The following DLG2 variants were observed in gnomAD, a reference collection of about 807,000 sequenced individuals.
DLG2 encodes discs large MAGUK scaffold protein 2.
Under a neutral mutation model 132.5 loss-of-function variants are expected in DLG2, and 45 were observed. The observed-to-expected ratio is 0.34, with a 90% CI of 0.27 to 0.44. The LOEUF is 0.44. DLG2 is among the 20% of genes least tolerant of loss of function. The pLI, the probability that DLG2 is intolerant of heterozygous loss-of-function variation, is 1.00. For synonymous variants in DLG2, 424 were observed against 419.6 expected (o/e 1.01, Z -0.13); for missense variants, 1,045 against 1,196.9 (o/e 0.87, Z 1.87).
At chr11:85,469,959 C>T (rs576178957) in intron 3 of DLG2, among the ~76,000 whole-genome samples, 148 of 152,238 alleles carry the variant, frequency 9.7e-4, no homozygotes, top group South Asian at 1.7e-3. Flanking sequence ...AGAGTAAAAT[C>T]CAAAGCCCTT....
intron 6 of DLG2, among the ~76,000 whole-genome samples, chr11:84,755,731 C>T (rs1465238236): frequency 6.6e-6 from 1 of 152,194 alleles, no homozygotes; most frequent in African/African-American, 2.4e-5. Context: ...CCCAGTGTGT[C>T]TTTTACCCAG....
intron 16 of DLG2, among the ~76,000 whole-genome samples, chr11:83,863,796 G>T (rs982203574): frequency 6.6e-6 from 1 of 152,148 alleles, no homozygotes; most frequent in Non-Finnish European, 1.5e-5. Context: ...TGAAGTTACA[G>T]ATATGCCAAA....
chr11:83,839,888 T>C (rs994608015), intron 16 of DLG2, among the ~76,000 whole-genome samples: 1 of 152,116 alleles, frequency 6.6e-6, no homozygotes, highest in Admixed American at 6.6e-5. Context: ...AACCCCTTCA[T>C]CCCCTCTAAT....
chr11:84,213,678 G>C (rs1050317336), intron 8 of DLG2, among the ~76,000 whole-genome samples: 4 of 151,968 alleles, frequency 2.6e-5, no homozygotes, highest in African/African-American at 9.7e-5. Context: ...AATTAGACTG[G>C]CGTGGTGGCG....
At chr11:85,485,388 A>G (rs2093407101) in intron 3 of DLG2, among the ~76,000 whole-genome samples, 1 of 152,108 alleles carries the variant, frequency 6.6e-6, no homozygotes, top group South Asian at 2.1e-4. Flanking sequence ...AAAAAAAAAG[A>G]TGCAAATTGT....
In DLG2 at chr11:83,552,217, G is replaced by A. The variant is rs150813404; in HGVS notation, c.1941-10359C>T. 5.8e-4 allele frequency among the ~76,000 whole-genome samples: 88 copies of A among 152,312 alleles called. 1 individual carries two copies. The highest frequency in any genetic ancestry group is 1.9e-3 in the African/African-American group (81 of 41,576). The stretch of plus-strand genomic sequence containing the variant: ...AAATAGAGCACGGTAAGGGGGATCA[G>A]GATTCTGGAATAGAGTAGGGCTATG... On this transcript the variant is annotated intron_variant, in intron 19 of 27. Coordinates refer to ENST00000376104, the MANE Select transcript of DLG2 (RefSeq NM_001142699.3).
chr11:84,430,744 T>G (rs1210398004), intron 7 of DLG2, among the ~76,000 whole-genome samples: 2 of 152,206 alleles, frequency 1.3e-5, no homozygotes, highest in Admixed American at 6.5e-5. Flanking sequence ...GGGCAGCAGT[T>G]CTGGGACCTC....
At chr11:85,256,798 T>C (rs2076692393) in intron 4 of DLG2, among the ~76,000 whole-genome samples, 1 of 152,168 alleles carries the variant, frequency 6.6e-6, no homozygotes, top group South Asian at 2.1e-4. Context: ...AAAAAGTCTT[T>C]ACAAAAAAGT....
At chr11:84,890,191 T>G (rs2089110447) in intron 6 of DLG2, among the ~76,000 whole-genome samples, 1 of 152,166 alleles carries the variant, frequency 6.6e-6, no homozygotes, top group Admixed American at 6.6e-5. Context: ...TTGTTGCAGT[T>G]TTTATCTAAG....
In DLG2 at chr11:84,145,731, G is replaced by A. The variant is rs867151010; in HGVS notation, c.624+17730C>T. Among the ~76,000 whole-genome samples, 3 of 152,270 alleles carry A rather than the reference G, an allele frequency of 2.0e-5. No individual in the cohort carries two copies. The East Asian group carries it at 5.8e-4, about 29-fold the overall frequency. On this transcript the variant is annotated intron_variant, in intron 9 of 27. Coordinates refer to ENST00000376104, the MANE Select transcript of DLG2 (RefSeq NM_001142699.3). ...CTTGTTAATAATCAGGTGGCAGAGG[G>A]TTTGTGAGGCGAGAGAAAGGAGATA...
At chr11:83,582,298 C>G (rs914326540) in intron 19 of DLG2, among the ~76,000 whole-genome samples, 4 of 152,142 alleles carry the variant, frequency 2.6e-5, no homozygotes, top group African/African-American at 9.7e-5. Context: ...ATTACTGCCC[C>G]TGGTAATAGT....
chr11:85,284,962 A>T (rs190552335), intron 4 of DLG2, among the ~76,000 whole-genome samples: 10 of 152,018 alleles, frequency 6.6e-5, no homozygotes, highest in Admixed American at 5.9e-4. Context: ...AATGCCTTAG[A>T]CTTGAGTCAA....
At chr11:85,094,518 G>A (rs2069397151) in intron 6 of DLG2, among the ~76,000 whole-genome samples, 2 of 152,188 alleles carry the variant, frequency 1.3e-5, no homozygotes, top group African/African-American at 4.8e-5. Context: ...TATAGCTTCT[G>A]TATCCACTCT....
chr11:83,846,373 T>G (rs2058607111), intron 16 of DLG2, among the ~76,000 whole-genome samples: 1 of 152,212 alleles, frequency 6.6e-6, no homozygotes, highest in East Asian at 1.9e-4. Flanking sequence ...GTGAAGACAT[T>G]GAATGTTTGT....
At chr11:84,172,190 T>C (rs1374155505) in intron 8 of DLG2, among the ~76,000 whole-genome samples, 1 of 152,212 alleles carries the variant, frequency 6.6e-6, no homozygotes, top group East Asian at 1.9e-4. Flanking sequence ...ATGTAAGGTA[T>C]ACATCTGGTT....
chr11:85,471,302 G>C (rs1157862008), intron 3 of DLG2, among the ~76,000 whole-genome samples: 2 of 152,062 alleles, frequency 1.3e-5, no homozygotes, highest in Non-Finnish European at 2.9e-5. Flanking sequence ...TATAAACATA[G>C]ATTTTTTAGA....
At chr11:84,380,073 G>GA (rs912191592) in intron 7 of DLG2, among the ~76,000 whole-genome samples, 3 of 151,848 alleles carry the variant, frequency 2.0e-5, no homozygotes, top group African/African-American at 7.2e-5. Flanking sequence ...TTGTTGCCAT[G>GA]AAAAAATAAG....
intron 6 of DLG2, among the ~76,000 whole-genome samples, chr11:85,061,380 C>T (rs686009): frequency 0.66 from 100,750 of 151,526 alleles, 34,471 homozygotes; most frequent in East Asian, 0.93. Flanking sequence ...TTGAACTATT[C>T]TGCTGTTTTT....
At chr11:83,690,016 TAATA>T (rs967873554) in intron 18 of DLG2, among the ~76,000 whole-genome samples, 22 of 145,234 alleles carry the variant, frequency 1.5e-4, no homozygotes, top group African/African-American at 3.8e-4. Context: ...TTATAATATT[TAATA>T]AATATTTATG....
Sources: allele counts gnomAD v4.1 joint callset (sites outside exome capture counted in the v4.1 genomes callset), GRCh38; gene constraint gnomAD v4.1.1; transcripts MANE v1.5; gene names NCBI Gene and HGNC (gene_info 2026-07-23, HGNC 2026-07-21).